The following STK32A variants were observed in gnomAD, a reference collection of about 807,000 sequenced individuals.
STK32A encodes serine/threonine kinase 32A.
A neutral mutation model predicts 53.2 loss-of-function variants in STK32A; 41 were observed. That is an observed-to-expected ratio of 0.77 (90% CI 0.60 to 1.00). The LOEUF is 1.00. Among genes scored for constraint, STK32A ranks in the 50% least tolerant of loss-of-function variants. The pLI is 0.00. For synonymous variants in STK32A, 166 were observed against 162.8 expected, an observed-to-expected ratio of 1.02 and a Z score of -0.15; for missense variants, 458 against 485.8, an observed-to-expected ratio of 0.94 and a Z score of 0.54.
At chr5:147,332,484 T>A (rs1164387940) in intron 5 of STK32A, among the ~76,000 whole-genome samples, 1 of 152,128 alleles carries the variant, frequency 6.6e-6, no homozygotes, top group Admixed American at 6.6e-5. Flanking sequence ...CTAAAAATTA[T>A]CTGATTACTT....
At chr5:147,359,889 C>A (rs915459038) in intron 7 of STK32A, among the ~76,000 whole-genome samples, 1 of 152,142 alleles carries the variant, frequency 6.6e-6, no homozygotes, top group African/African-American at 2.4e-5. Context: ...ATGTTGTTCA[C>A]AGGATTTTAC....
chr5:147,296,392 G>C (rs1356659647), intron 4 of STK32A, among the ~76,000 whole-genome samples: 2 of 152,014 alleles, frequency 1.3e-5, no homozygotes, highest in African/African-American at 2.4e-5. Context: ...GCTTCTCGGG[G>C]GTTGTTGCTT....
intron 5 of STK32A, among the ~76,000 whole-genome samples, chr5:147,333,333 T>G (rs1754965307): frequency 6.6e-6 from 1 of 152,226 alleles, no homozygotes; most frequent in Non-Finnish European, 1.5e-5. Flanking sequence ...GGTATAGATA[T>G]ATATAATGCA....
chr5:147,373,264 G>T lies in STK32A; in HGVS notation c.873G>T (p.Gln291His). The T allele has an allele frequency of 6.2e-7, 1 of 1,613,390 alleles. No homozygotes were observed. Among genetic ancestry groups the T allele is most frequent in the Middle Eastern group, 1.7e-4 (1 of 6,054 alleles). The change falls in exon 10 of 13, where the codon CAG becomes CAT. Residue 291 changes from glutamine to histidine, a missense_variant. By Grantham distance (24) the Gln-to-His change is conservative. Transcript: ENST00000397936. ...ATATAAACTGGGATGCAGTTTTTCA[G>T]AAGAGGCTCATTCCAGGTTTCATTC... ...MNDINWDAVF[Q>H]KRLIPGFIPN...
chr5:147,262,547 A>G (rs1300043496), intron 2 of STK32A, among the ~76,000 whole-genome samples: 1 of 151,782 alleles, frequency 6.6e-6, no homozygotes. Flanking sequence ...ACATTCCTGT[A>G]AGGTAGGTAT....
chr5:147,299,530 A>G (rs1280638184), intron 4 of STK32A, among the ~76,000 whole-genome samples: 1 of 152,194 alleles, frequency 6.6e-6, no homozygotes, highest in Non-Finnish European at 1.5e-5. Context: ...CTCTGACAGT[A>G]CCAACATTCC....
chr5:147,297,317 A>G (rs933710578), intron 4 of STK32A, among the ~76,000 whole-genome samples: 1 of 152,222 alleles, frequency 6.6e-6, no homozygotes, highest in African/African-American at 2.4e-5. Context: ...ACAGATAGAG[A>G]CAGGAAATCA....
intron 2 of STK32A, among the ~76,000 whole-genome samples, chr5:147,262,093 A>G (rs1166339745): frequency 6.6e-6 from 1 of 152,156 alleles, no homozygotes; most frequent in Non-Finnish European, 1.5e-5. Flanking sequence ...TCTTATTCTC[A>G]TCACAAATGG....
intron 2 of STK32A, among the ~76,000 whole-genome samples, chr5:147,277,651 C>T (rs1290801369): frequency 6.6e-6 from 1 of 152,134 alleles, no homozygotes; most frequent in Admixed American, 6.6e-5. Context: ...TGCTGATCCT[C>T]GGTAAAGCCA....
chr5:147,310,432 C>T (rs1447947364), intron 4 of STK32A, among the ~76,000 whole-genome samples: 1 of 152,156 alleles, frequency 6.6e-6, no homozygotes, highest in Non-Finnish European at 1.5e-5. Flanking sequence ...AAAGGGTAGA[C>T]AATACATTGT....
At chr5:147,310,467 G>A (rs6866338) in intron 4 of STK32A, among the ~76,000 whole-genome samples, 46,588 of 151,900 alleles carry the variant, frequency 0.31, 7,642 homozygotes, top group Non-Finnish European at 0.34. Context: ...CTGTCTCTCC[G>A]CTCTGGAGAA....
At chr5:147,345,647 A>G (rs1044603754) in intron 6 of STK32A, among the ~76,000 whole-genome samples, 1 of 151,774 alleles carries the variant, frequency 6.6e-6, no homozygotes, top group African/African-American at 2.4e-5. Flanking sequence ...TTCCGTGTAC[A>G]TTCTGCTGTC....
chr5:147,296,020 C>T (rs761898503), intron 4 of STK32A, among the ~76,000 whole-genome samples: 32 of 152,316 alleles, frequency 2.1e-4, no homozygotes, highest in African/African-American at 3.8e-4. Flanking sequence ...CTCTCCCTCT[C>T]CTCCAGGTGC....
intron 2 of STK32A, among the ~76,000 whole-genome samples, chr5:147,243,888 A>G (rs1365914052): frequency 1.3e-5 from 2 of 152,134 alleles, no homozygotes; most frequent in Non-Finnish European, 2.9e-5. Context: ...GGTAAAATGT[A>G]TATAACAAAA....
downstream of STK32A, among the ~76,000 whole-genome samples, chr5:147,388,590 C>T (rs186068651): frequency 4.1e-3 from 629 of 152,332 alleles, 4 homozygotes; most frequent in Middle Eastern, 6.8e-3. Context: ...CTCATTTCCT[C>T]AGGTTACTTT....
At chr5:147,319,544 T>TA (rs1226395943) in intron 4 of STK32A, among the ~76,000 whole-genome samples, 2 of 152,116 alleles carry the variant, frequency 1.3e-5, no homozygotes, top group African/African-American at 4.8e-5. Flanking sequence ...TACTAGTTTT[T>TA]AAAAAATGAA....
At chr5:147,400,927 C>CT in the STK32A span, 1 of 1,482,830 alleles carries the variant, frequency 6.7e-7, no homozygotes, top group Non-Finnish European at 9.0e-7. Context: ...GGTTTGCACT[C>CT]TGACTATTTG....
At chr5:147,356,955 A>G (rs1323158580) in intron 7 of STK32A, among the ~76,000 whole-genome samples, 3 of 152,172 alleles carry the variant, frequency 2.0e-5, no homozygotes, top group East Asian at 3.8e-4. Flanking sequence ...TTTTCATTCA[A>G]TAATAATAGT....
At chr5:147,377,070 G>A (rs1757260630) in intron 11 of STK32A, among the ~76,000 whole-genome samples, 1 of 152,168 alleles carries the variant, frequency 6.6e-6, no homozygotes, top group Non-Finnish European at 1.5e-5. Flanking sequence ...TAATATTGGT[G>A]TTTATAGCTA....
Sources: gnomAD v4.1 joint callset for allele counts (sites outside exome capture counted in the v4.1 genomes callset) on GRCh38, gnomAD v4.1.1 for gene constraint, MANE v1.5 for transcripts, NCBI Gene and HGNC (gene_info 2026-07-23, HGNC 2026-07-21) for gene names.